The following ANKRD55 variants were observed in gnomAD, a reference collection of about 807,000 sequenced individuals.
The protein encoded by ANKRD55 is ankyrin repeat domain-containing protein 55.
Under a neutral mutation model 60.6 loss-of-function variants are expected in ANKRD55, and 41 were observed. That is an observed-to-expected ratio of 0.68 (90% confidence interval 0.53 to 0.88). The LOEUF (loss-of-function observed/expected upper bound fraction) is 0.88, where lower values mean the gene tolerates loss of function less well. Among genes scored for constraint, ANKRD55 ranks in the 40% least tolerant of loss-of-function variants. The pLI is 0.00. For missense variants in ANKRD55, 732 were observed against 767.6 expected, an observed-to-expected ratio of 0.95 and a Z score of 0.55; for synonymous variants, 264 against 290.3, an observed-to-expected ratio of 0.91 and a Z score of 0.92.
intron 4 of ANKRD55, among the ~76,000 whole-genome samples, chr5:56,172,877 A>AG: frequency 6.6e-6 from 1 of 152,232 alleles, no homozygotes; most frequent in Non-Finnish European, 1.5e-5. Flanking sequence ...TTGAGAAGTC[A>AG]GGGAAAAAAA....
chr5:56,169,403 G>A (rs1198817598), intron 5 of ANKRD55, among the ~76,000 whole-genome samples: 2 of 150,242 alleles, frequency 1.3e-5, no homozygotes, highest in Non-Finnish European at 2.9e-5. Flanking sequence ...ATGATTTTGT[G>A]ACTAAGCATT....
At chr5:56,214,875 A>G (rs1228254280) in intron 2 of ANKRD55, among the ~76,000 whole-genome samples, 2 of 152,128 alleles carry the variant, frequency 1.3e-5, no homozygotes, top group African/African-American at 4.8e-5. Context: ...TGTGGCCAGA[A>G]CTCTAGGATG....
intron 8 of ANKRD55, among the ~76,000 whole-genome samples, chr5:56,119,757 A>AT (rs1160116669): frequency 1.1e-4 from 16 of 151,924 alleles, no homozygotes; most frequent in Middle Eastern, 3.2e-3. Flanking sequence ...CTACAAAAAA[A>AT]ATATAAAAAT....
chr5:56,214,058 A>G (rs1337398082), intron 2 of ANKRD55, among the ~76,000 whole-genome samples: 1 of 152,234 alleles, frequency 6.6e-6, no homozygotes, highest in Non-Finnish European at 1.5e-5. Context: ...GAGCTTGTGC[A>G]GGGGAACTCC....
intron 5 of ANKRD55, among the ~76,000 whole-genome samples, chr5:56,169,237 G>A (rs969722539): frequency 6.6e-6 from 1 of 152,144 alleles, no homozygotes; most frequent in African/African-American, 2.4e-5. Context: ...TAACTTAAAT[G>A]GGCTCTTTTA....
rs1162362075 is a variant in ANKRD55 at position 56,194,608 on chromosome 5, T to C, written c.59-10974A>G. Among the ~76,000 whole-genome samples the C allele has an allele frequency of 3.3e-5, 5 of 152,302 alleles. No individual in the cohort carries two copies. The East Asian group carries it at 9.7e-4, about 29-fold the overall frequency. On this transcript the variant is annotated intron_variant, in intron 2 of 11. Transcript: ENST00000341048. ...TATATTTGATTCTAATTAGTAATCCTTTACTGAATCTCTGTTGTCTCTTTT... is the reference window on the plus strand; with the variant it reads ...TATATTTGATTCTAATTAGTAATCCCTTACTGAATCTCTGTTGTCTCTTTT...
intron 4 of ANKRD55, among the ~76,000 whole-genome samples, chr5:56,173,493 C>T (rs547060571): frequency 7.7e-4 from 113 of 146,214 alleles, no homozygotes; most frequent in African/African-American, 1.9e-3. Flanking sequence ...CCACCATGCC[C>T]GGCTCCAATT....
At chr5:56,140,982 G>A (rs1426975142) in intron 7 of ANKRD55, among the ~76,000 whole-genome samples, 1 of 152,062 alleles carries the variant, frequency 6.6e-6, no homozygotes, top group East Asian at 1.9e-4. Context: ...AGAATTGCTT[G>A]AACCCGGGAG....
intron 2 of ANKRD55, among the ~76,000 whole-genome samples, chr5:56,214,486 AAC>A (rs1197046411): frequency 6.6e-6 from 1 of 152,220 alleles, no homozygotes; most frequent in Admixed American, 6.5e-5. Flanking sequence ...AACCCACACC[AAC>A]AGTTTCAAAC....
At chr5:56,174,539 A>G (rs748381114) in intron 4 of ANKRD55, among the ~76,000 whole-genome samples, 1 of 152,236 alleles carries the variant, frequency 6.6e-6, no homozygotes, top group Non-Finnish European at 1.5e-5. Flanking sequence ...TTCGGCTAAT[A>G]TGCACAGACC....
At chr5:56,172,743 C>T (rs570818843) in intron 4 of ANKRD55, among the ~76,000 whole-genome samples, 33 of 151,664 alleles carry the variant, frequency 2.2e-4, no homozygotes, top group Non-Finnish European at 4.1e-4. Flanking sequence ...TTTTTTATTA[C>T]GTGTTACAAA....
At chr5:56,181,778 C>T (rs1245981119) in intron 3 of ANKRD55, among the ~76,000 whole-genome samples, 1 of 152,102 alleles carries the variant, frequency 6.6e-6, no homozygotes, top group Non-Finnish European at 1.5e-5. Flanking sequence ...TTAGTAGAGA[C>T]GGGGTTTCAC....
At chr5:56,150,265 T>C (rs1561270839) in intron 6 of ANKRD55, among the ~76,000 whole-genome samples, 2 of 152,212 alleles carry the variant, frequency 1.3e-5, no homozygotes, top group African/African-American at 4.8e-5. Context: ...ACAGTGCTAT[T>C]ACATTAGTGA....
chr5:56,124,631 C>T (rs188414036), intron 8 of ANKRD55, among the ~76,000 whole-genome samples: 75 of 152,232 alleles, frequency 4.9e-4, no homozygotes, highest in African/African-American at 1.0e-3. Flanking sequence ...CCTCAGCCTC[C>T]GGAGTAGCTA....
At chr5:56,225,620 A>G (rs1760091544) in intron 2 of ANKRD55, among the ~76,000 whole-genome samples, 1 of 152,232 alleles carries the variant, frequency 6.6e-6, no homozygotes, top group Non-Finnish European at 1.5e-5. Context: ...TAAGCTGATA[A>G]GCAACTTCAG....
intron 2 of ANKRD55, among the ~76,000 whole-genome samples, chr5:56,229,251 A>T (rs922505185): frequency 1.8e-4 from 27 of 152,196 alleles, no homozygotes; most frequent in African/African-American, 6.0e-4. Flanking sequence ...GTTCTGTAGT[A>T]AATGGCTTTA....
chr5:56,135,294 GCTTTCTTTCTTTCTTTCTTTCTTTCTTT>G (rs1255557630), intron 7 of ANKRD55, among the ~76,000 whole-genome samples: 4 of 84,462 alleles, frequency 4.7e-5, no homozygotes, highest in East Asian at 7.7e-4. Context: ...CTGCCTGCTT[GCTTTCTTTCTTTCTTTCTTTCTTTCTTT>G]CTTTCTTTCT....
intron 4 of ANKRD55, among the ~76,000 whole-genome samples, chr5:56,173,208 T>G (rs1398049712): frequency 1.3e-5 from 2 of 152,224 alleles, no homozygotes; most frequent in Non-Finnish European, 2.9e-5. Context: ...TTTTTTTTCT[T>G]GTTTTTTGAG....
At chr5:56,147,694 A>G (rs955219889) in intron 6 of ANKRD55, among the ~76,000 whole-genome samples, 2 of 152,186 alleles carry the variant, frequency 1.3e-5, no homozygotes. Flanking sequence ...CACTCAGTCA[A>G]GTAAAGGGAA....
Sources: gnomAD v4.1 joint callset for allele counts (sites outside exome capture counted in the v4.1 genomes callset) on GRCh38, gnomAD v4.1.1 for gene constraint, MANE v1.5 for transcripts, NCBI Gene and HGNC (gene_info 2026-07-23, HGNC 2026-07-21) for gene names.